ST18: variants seen among roughly 807,000 people sequenced by gnomAD.
ST18 encodes the protein suppression of tumorigenicity 18 protein.
ST18 carries 50 observed loss-of-function variants against 110.0 expected under a neutral mutation model. The observed-to-expected ratio is 0.45, with a 90% CI of 0.36 to 0.58. ST18 has a LOEUF of 0.58. ST18 is among the 20% of genes least tolerant of loss of function. The pLI is 0.00. For missense variants in ST18, 1,306 were observed against 1,280.1 expected (o/e 1.02, Z -0.31); for synonymous variants, 461 against 452.4 (o/e 1.02, Z -0.24).
intron 2 of ST18, among the ~76,000 whole-genome samples, chr8:52,274,142 G>C (rs2095163549): frequency 6.6e-6 from 1 of 152,070 alleles, no homozygotes; most frequent in African/African-American, 2.4e-5. Flanking sequence ...ACTGTTAATA[G>C]AAAGCTTGAA....
chr8:52,112,035 TG>T lies in ST18; in HGVS notation c.*1162del, dbSNP rs1185326074. On this transcript the variant is annotated 3_prime_UTR_variant, in exon 26 of 26. Transcript: ENST00000689386. ...ATATTTTGTAGCATTTGAAGTTTTG[TG>T]GCAAGATTTCTATCAAATTGAATGT... 9 of 152,502 alleles carry T rather than the reference TG, an allele frequency of 5.9e-5. No homozygotes were observed. The highest frequency in any genetic ancestry group is 1.5e-5 in the Non-Finnish European group (1 of 68,002). 9.4% of individuals were successfully genotyped at this position (152,502 alleles called of 1,614,324 possible).
At chr8:52,233,501 A>G (rs551322892) in intron 2 of ST18, among the ~76,000 whole-genome samples, 1 of 152,280 alleles carries the variant, frequency 6.6e-6, no homozygotes, top group African/African-American at 2.4e-5. Flanking sequence ...CTCTGTTGTC[A>G]TGGTGTAAGC....
intron 2 of ST18, chr8:52,404,369 T>A (rs1843733084): frequency 6.6e-6 from 1 of 152,160 alleles, no homozygotes; most frequent in Non-Finnish European, 1.5e-5. Context: ...GGAGAATTAA[T>A]GACAAGCACT....
In ST18 at chr8:52,224,351, A is replaced by G. The variant is rs140896873; in HGVS notation, c.-418-2558T>C. ...ATTATATATTTAGAAGTTGATGAAC[A>G]AAAATTATGTAAGCCTTTTGCCACT... On this transcript the variant is annotated intron_variant, in intron 3 of 25. Coordinates refer to ENST00000689386, the MANE Select transcript of ST18 (RefSeq NM_001352837.2). Among the ~76,000 whole-genome samples the G allele has an allele frequency of 1.3e-3, 202 of 152,368 alleles. No homozygotes were observed. The East Asian group carries it at 0.034, about 26-fold the overall frequency.
intron 22 of ST18, among the ~76,000 whole-genome samples, chr8:52,131,174 T>A (rs2049415011): frequency 6.6e-6 from 1 of 152,230 alleles, no homozygotes; most frequent in Non-Finnish European, 1.5e-5. Flanking sequence ...TTTTGCTCAA[T>A]GTTTACACTG....
intron 2 of ST18, among the ~76,000 whole-genome samples, chr8:52,362,510 A>T (rs1390273204): frequency 6.6e-6 from 1 of 152,198 alleles, no homozygotes; most frequent in East Asian, 1.9e-4. Context: ...GTCATAGTAC[A>T]ACCTCAACCT....
At position 52,137,502 on chromosome 8, in the gene ST18, C is replaced by G. The variant is rs1038065707; in HGVS notation, c.2169-19G>C. ...TGGACAGCTGAGTCAATAGAAAATACATCATTAGAGTCAAGCGCATTTCCC... is the reference window on the plus strand; with the variant it reads ...TGGACAGCTGAGTCAATAGAAAATAGATCATTAGAGTCAAGCGCATTTCCC... On this transcript the variant is annotated intron_variant, in intron 17 of 25. Transcript: ENST00000689386. 6.2e-7 allele frequency: 1 copy of G among 1,613,402 alleles called. No homozygotes were observed. The highest frequency in any genetic ancestry group is 8.5e-7 in the Non-Finnish European group (1 of 1,179,662).
chr8:52,349,460 G>A, intron 2 of ST18, among the ~76,000 whole-genome samples: 1 of 152,182 alleles, frequency 6.6e-6, no homozygotes, highest in Non-Finnish European at 1.5e-5. Context: ...CAAAGATGTT[G>A]CATAGAGTTT....
At chr8:52,250,333 C>G (rs891556565) in intron 2 of ST18, among the ~76,000 whole-genome samples, 2 of 150,160 alleles carry the variant, frequency 1.3e-5, no homozygotes, top group African/African-American at 2.4e-5. Context: ...TTTGCCTGTG[C>G]TCTATTTATT....
At chr8:52,246,423 T>C (rs1006403117) in intron 2 of ST18, among the ~76,000 whole-genome samples, 10 of 152,196 alleles carry the variant, frequency 6.6e-5, no homozygotes, top group African/African-American at 2.4e-4. Flanking sequence ...AGATGTTGCC[T>C]TTCTAAATTA....
intron 16 of ST18, among the ~76,000 whole-genome samples, chr8:52,146,308 C>T (rs1194309632): frequency 2.0e-5 from 3 of 152,242 alleles, no homozygotes; most frequent in Non-Finnish European, 4.4e-5. Flanking sequence ...GTCCTGTACC[C>T]GCAGAAACAC....
Position 52,331,606 on chromosome 8 carries a change from TC to T in ST18, c.-465+77721del, listed in dbSNP as rs200418075. On this transcript the variant is annotated intron_variant, in intron 2 of 25. Coordinates refer to ENST00000689386, the MANE Select transcript of ST18 (RefSeq NM_001352837.2). ...AAAAACTAGCAAAATGGCTCAAAAA[TC>T]ATAGTCACAGAGTAAATGTAATGAC... Among the ~76,000 whole-genome samples, 903 of 152,278 alleles carry T rather than the reference TC, an allele frequency of 5.9e-3. 5 individuals carry two copies. Among genetic ancestry groups the T allele is most frequent in the African/African-American group, 0.021 (855 of 41,550 alleles).
At chr8:52,145,523 A>G (rs1216737966) in intron 16 of ST18, among the ~76,000 whole-genome samples, 1 of 152,216 alleles carries the variant, frequency 6.6e-6, no homozygotes, top group East Asian at 1.9e-4. Context: ...CTGTCACTAA[A>G]TAATTAGTTT....
At chr8:52,229,145 T>C (rs2090527630) in intron 3 of ST18, among the ~76,000 whole-genome samples, 1 of 152,210 alleles carries the variant, frequency 6.6e-6, no homozygotes, top group African/African-American at 2.4e-5. Flanking sequence ...AGGAATTTAC[T>C]CATAGGATTC....
At chr8:52,213,666 C>A (rs918288019) in intron 7 of ST18, among the ~76,000 whole-genome samples, 7 of 152,178 alleles carry the variant, frequency 4.6e-5, no homozygotes, top group Admixed American at 2.0e-4. Flanking sequence ...ACATTACCAT[C>A]TGTTGGTTAC....
intron 2 of ST18, among the ~76,000 whole-genome samples, chr8:52,279,851 G>T (rs1407744085): frequency 6.6e-6 from 1 of 152,094 alleles, no homozygotes; most frequent in Admixed American, 6.5e-5. Flanking sequence ...ACACCTCTAA[G>T]GTGTCTCCTA....
chr8:52,402,027 A>G (rs955372176), intron 2 of ST18, among the ~76,000 whole-genome samples: 25 of 152,128 alleles, frequency 1.6e-4, no homozygotes, highest in African/African-American at 6.0e-4. Context: ...GCAGTAATGT[A>G]GTCTCTGTGC....
chr8:52,136,942 G>C (rs2131779888), intron 18 of ST18, among the ~76,000 whole-genome samples: 1 of 152,278 alleles, frequency 6.6e-6, no homozygotes, highest in South Asian at 2.1e-4. Flanking sequence ...CCCACACACA[G>C]AGTCCATTCC....
intron 8 of ST18, among the ~76,000 whole-genome samples, chr8:52,204,711 AG>A (rs1564048217): frequency 6.6e-6 from 1 of 152,356 alleles, no homozygotes; most frequent in Non-Finnish European, 1.5e-5. Flanking sequence ...AGAAAAGAAA[AG>A]CTAAATGGAT....
Sources: gnomAD v4.1 joint callset for allele counts (sites outside exome capture counted in the v4.1 genomes callset) on GRCh38, gnomAD v4.1.1 for gene constraint, MANE v1.5 for transcripts, NCBI Gene and HGNC (gene_info 2026-07-23, HGNC 2026-07-21) for gene names.